Variants in UTRN observed in about 807,000 individuals in gnomAD.
The protein encoded by UTRN is utrophin.
Under a neutral mutation model 463.9 loss-of-function variants are expected in UTRN, and 283 were observed. The ratio of observed to expected loss-of-function variants is 0.61; its 90% CI spans 0.55 to 0.67. The LOEUF is 0.67. UTRN is among the 30% of genes least tolerant of loss of function. The pLI is 0.00. For synonymous variants in UTRN, 1,442 were observed against 1,431.5 expected (o/e 1.01, Z -0.17); for missense variants, 3,922 against 4,084.3 (o/e 0.96, Z 1.08).
intron 66 of UTRN, 89 bp from the exon 67 acceptor site, chr6:144,827,259 A>T: frequency 6.7e-7 from 1 of 1,491,314 alleles, no homozygotes; most frequent in Non-Finnish European, 9.3e-7. Flanking sequence ...AAGATAATTG[A>T]GAATCTCCCC....
intron 3 of UTRN, among the ~76,000 whole-genome samples, chr6:144,414,744 ATC>A (rs1202283477): frequency 9.1e-5 from 13 of 143,640 alleles, no homozygotes; most frequent in East Asian, 8.3e-4. Flanking sequence ...GAGACAGCGT[ATC>A]TCTCTGTTGC....
rs377062269 is a variant in UTRN at position 144,754,824 on chromosome 6, C to T, written c.8434+26C>T. 173 of 1,594,728 alleles carry T rather than the reference C, an allele frequency of 1.1e-4. 1 individual carries two copies. The highest frequency in any genetic ancestry group is 1.2e-4 in the African/African-American group (9 of 74,232). On this transcript the variant is annotated intron_variant, in intron 57 of 74. Coordinates refer to ENST00000367545, the MANE Select transcript of UTRN (RefSeq NM_007124.3). ...GTAAGTACTAATAAACTGGACTGAT[C>T]GCATTAATTGAATGAATTAGCATTT...
At chr6:144,335,311 C>A (rs1776634967) in intron 2 of UTRN, among the ~76,000 whole-genome samples, 1 of 152,166 alleles carries the variant, frequency 6.6e-6, no homozygotes, top group Non-Finnish European at 1.5e-5. Context: ...TCTGGATCGC[C>A]CTTTCTCCTT....
intron 52 of UTRN, among the ~76,000 whole-genome samples, chr6:144,681,725 A>G (rs868381509): frequency 1.1e-4 from 17 of 152,306 alleles, no homozygotes; most frequent in Admixed American, 6.5e-4. Flanking sequence ...CTCTATTATT[A>G]TAGTTGATAG....
intron 51 of UTRN, among the ~76,000 whole-genome samples, chr6:144,583,804 T>G (rs116273687): frequency 0.018 from 2,791 of 152,318 alleles, 59 homozygotes; most frequent in African/African-American, 0.052. Flanking sequence ...TAGTTTCTTT[T>G]GCAATTGACA....
intron 73 of UTRN, among the ~76,000 whole-genome samples, chr6:144,841,067 G>A (rs1781534279): frequency 6.6e-6 from 1 of 152,184 alleles, no homozygotes; most frequent in Admixed American, 6.5e-5. Flanking sequence ...TTTTCAATAT[G>A]CCTGATGGGT....
At chr6:144,350,372 C>G (rs919819237) in intron 2 of UTRN, among the ~76,000 whole-genome samples, 3 of 151,986 alleles carry the variant, frequency 2.0e-5, no homozygotes, top group African/African-American at 7.2e-5. Context: ...CCCTTGTTTT[C>G]TATGAATGTA....
intron 2 of UTRN, among the ~76,000 whole-genome samples, chr6:144,294,386 G>A (rs1804506956): frequency 1.3e-5 from 2 of 152,076 alleles, no homozygotes; most frequent in African/African-American, 4.8e-5. Context: ...CTATACAGAG[G>A]TAATATTTCA....
At chr6:144,461,127 G>T in intron 21 of UTRN, 70 bp from the exon 22 acceptor site, 1 of 1,317,156 alleles carries the variant, frequency 7.6e-7, no homozygotes, top group Non-Finnish European at 1.0e-6. Context: ...ATTCATTTAG[G>T]ATAATGGTCT....
At chr6:144,448,895 A>G (rs1787967340) in intron 17 of UTRN, 126 bp downstream of exon 17, 1 of 1,130,640 alleles carries the variant, frequency 8.8e-7, no homozygotes, top group Non-Finnish European at 1.2e-6. Flanking sequence ...ATTATTATGA[A>G]AAGTCAACTA....
chr6:144,467,612 C>T (rs897348850), intron 23 of UTRN, among the ~76,000 whole-genome samples: 6 of 152,160 alleles, frequency 3.9e-5, no homozygotes, highest in African/African-American at 7.2e-5. Flanking sequence ...GACCCGGAAT[C>T]TGGAGGGGGG....
At chr6:144,384,483 A>G (rs778184036) in intron 2 of UTRN, among the ~76,000 whole-genome samples, 56 of 151,874 alleles carry the variant, frequency 3.7e-4, no homozygotes, top group Middle Eastern at 3.4e-3. Flanking sequence ...TGCCTCCCCC[A>G]CTGCCCCGCC....
chr6:144,601,607 A>G (rs1032194489), intron 51 of UTRN, among the ~76,000 whole-genome samples: 10 of 152,228 alleles, frequency 6.6e-5, no homozygotes, highest in African/African-American at 2.2e-4. Flanking sequence ...GTTTCTTGAG[A>G]TGGAATCTAC....
At chr6:144,431,645 C>T (rs991910509) in intron 9 of UTRN, among the ~76,000 whole-genome samples, 10 of 152,180 alleles carry the variant, frequency 6.6e-5, no homozygotes, top group Admixed American at 2.0e-4. Context: ...CCTTCCTTCT[C>T]GACCTCATGG....
chr6:144,302,286 G>A (rs1256795770), intron 2 of UTRN, among the ~76,000 whole-genome samples: 1 of 152,094 alleles, frequency 6.6e-6, no homozygotes, highest in Non-Finnish European at 1.5e-5. Context: ...TAAGGTGGGT[G>A]GATCATCTGA....
intron 65 of UTRN, among the ~76,000 whole-genome samples, chr6:144,805,091 T>C (rs1778030276): frequency 6.6e-6 from 1 of 152,154 alleles, no homozygotes; most frequent in African/African-American, 2.4e-5. Flanking sequence ...GACAAAATGA[T>C]TTGTGCTGAA....
intron 54 of UTRN, among the ~76,000 whole-genome samples, chr6:144,741,816 C>T (rs900856499): frequency 1.3e-4 from 20 of 152,180 alleles, no homozygotes; most frequent in African/African-American, 2.2e-4. Context: ...GCCCCTGCTT[C>T]TTCCTCCACT....
chr6:144,770,681 A>G (rs1364916030), intron 58 of UTRN, among the ~76,000 whole-genome samples: 1 of 152,242 alleles, frequency 6.6e-6, no homozygotes, highest in Non-Finnish European at 1.5e-5. Flanking sequence ...CAAAACTTCC[A>G]TCTAACATAT....
intron 51 of UTRN, among the ~76,000 whole-genome samples, chr6:144,648,383 A>G (rs982090955): frequency 4.6e-5 from 7 of 152,228 alleles, no homozygotes; most frequent in African/African-American, 1.7e-4. Context: ...GGAAACACAT[A>G]CAACTTTGAG....
Sources: allele counts gnomAD v4.1 joint callset (sites outside exome capture counted in the v4.1 genomes callset), GRCh38; gene constraint gnomAD v4.1.1; transcripts MANE v1.5; gene names NCBI Gene and HGNC (gene_info 2026-07-23, HGNC 2026-07-21).